KCNMA1: variants seen among roughly 807,000 people sequenced by gnomAD.
KCNMA1 encodes potassium calcium-activated channel subfamily M alpha 1.
A neutral mutation model predicts 140.0 loss-of-function variants in KCNMA1; 29 were observed. That is an observed-to-expected ratio of 0.21 (90% CI 0.15 to 0.28). The LOEUF is 0.28. Among genes scored for constraint, KCNMA1 ranks in the 10% least tolerant of loss-of-function variants. The probability of loss-of-function intolerance (pLI) is 1.00; values close to 1 mark genes in which losing one functional copy is unlikely to be tolerated. For missense variants in KCNMA1, 880 were observed against 1,602.2 expected (o/e 0.55, Z 7.70); for synonymous variants, 612 against 611.9 (o/e 1.00, Z 0.00).
intron 2 of KCNMA1, chr10:77,350,454 T>C (rs373760973): frequency 6.6e-6 from 1 of 152,124 alleles, no homozygotes; most frequent in African/African-American, 2.4e-5. Flanking sequence ...CTGGAACAGT[T>C]GGAGTTCAGA....
chr10:77,179,880 G>A (rs1238121593), intron 5 of KCNMA1, among the ~76,000 whole-genome samples: 1 of 152,174 alleles, frequency 6.6e-6, no homozygotes, highest in Non-Finnish European at 1.5e-5. Flanking sequence ...CACACAGTAG[G>A]AGCTGACTAC....
chr10:77,019,297 T>A, intron 16 of KCNMA1, 198 bp from the exon 17 acceptor site: 1 of 581,196 alleles, frequency 1.7e-6, no homozygotes, highest in South Asian at 2.0e-5. Flanking sequence ...GCACTACTGC[T>A]TACTTCCCAG....
At position 76,968,398 on chromosome 10, in the gene KCNMA1, C is replaced by A. The variant is rs974204707; in HGVS notation, c.2360+1576G>T. 3.3e-5 allele frequency among the ~76,000 whole-genome samples: 5 copies of A among 152,136 alleles called. No homozygotes were observed. In the South Asian group the frequency reaches 6.2e-4, roughly 19 times the overall value. On this transcript the variant is annotated intron_variant, in intron 20 of 27. Transcript: ENST00000286628. Reference sequence around the variant, plus strand: ...ATAACTCCTCAGAATTATTATTACTCAAGATCAAAGAAATGAGCCATACTT... The same window carrying A: ...ATAACTCCTCAGAATTATTATTACTAAAGATCAAAGAAATGAGCCATACTT...
chr10:77,445,359 T>C (rs113018342), intron 1 of KCNMA1, among the ~76,000 whole-genome samples: 9,416 of 130,992 alleles, frequency 0.072, 987 homozygotes, highest in African/African-American at 0.26. Flanking sequence ...CACACGCACA[T>C]ACACAGACAC....
chr10:77,180,415 T>C (rs2098793863), intron 5 of KCNMA1, among the ~76,000 whole-genome samples: 1 of 152,172 alleles, frequency 6.6e-6, no homozygotes, highest in African/African-American at 2.4e-5. Context: ...GGGAGATCAG[T>C]TTTAGATTTC....
intron 3 of KCNMA1, among the ~76,000 whole-genome samples, chr10:77,201,216 C>T (rs751730863): frequency 1.1e-4 from 17 of 152,172 alleles, no homozygotes; most frequent in Admixed American, 4.6e-4. Flanking sequence ...CAATTTTAAC[C>T]GTGGTGGGAG....
chr10:76,898,009 A>C (rs1487919984), intron 25 of KCNMA1, among the ~76,000 whole-genome samples: 1 of 151,896 alleles, frequency 6.6e-6, no homozygotes, highest in Non-Finnish European at 1.5e-5. Flanking sequence ...ATAAGCATAC[A>C]AAATATAGTC....
intron 23 of KCNMA1, among the ~76,000 whole-genome samples, chr10:76,928,768 G>A (rs549678106): frequency 3.9e-5 from 6 of 152,068 alleles, no homozygotes; most frequent in African/African-American, 7.2e-5. Context: ...CGATCAACGC[G>A]CCATCCCTCG....
At chr10:77,472,354 A>T (rs1328439973) in intron 1 of KCNMA1, among the ~76,000 whole-genome samples, 1 of 150,790 alleles carries the variant, frequency 6.6e-6, no homozygotes. Flanking sequence ...ACACATACAC[A>T]CACCACACAC....
intron 1 of KCNMA1, among the ~76,000 whole-genome samples, chr10:77,623,608 C>T (rs1472196962): frequency 6.6e-6 from 1 of 151,208 alleles, no homozygotes; most frequent in African/African-American, 2.4e-5. Flanking sequence ...GAGGCTGAGG[C>T]AGGAGAATTG....
At chr10:77,193,673 A>G (rs2039422581) in intron 3 of KCNMA1, among the ~76,000 whole-genome samples, 1 of 152,202 alleles carries the variant, frequency 6.6e-6, no homozygotes, top group African/African-American at 2.4e-5. Flanking sequence ...GTACACACAA[A>G]CATCCCCAGC....
At chr10:77,143,673 C>T (rs76874272) in intron 5 of KCNMA1, among the ~76,000 whole-genome samples, 319 of 152,088 alleles carry the variant, frequency 2.1e-3, no homozygotes, top group African/African-American at 6.7e-3. Context: ...TGAGGACACT[C>T]GGATAAGCAA....
intron 3 of KCNMA1, among the ~76,000 whole-genome samples, chr10:77,198,703 C>T (rs1463317707): frequency 1.3e-5 from 2 of 151,684 alleles, no homozygotes; most frequent in Non-Finnish European, 2.9e-5. Context: ...AAACTAGTTT[C>T]CTGTAAACTC....
chr10:76,921,532 T>C (rs1032455864), intron 23 of KCNMA1, among the ~76,000 whole-genome samples: 6 of 152,226 alleles, frequency 3.9e-5, no homozygotes, highest in Non-Finnish European at 7.3e-5. Flanking sequence ...GGGAAAATTA[T>C]GCAGATTAGA....
intron 1 of KCNMA1, among the ~76,000 whole-genome samples, chr10:77,442,367 C>G (rs1400495597): frequency 6.6e-6 from 1 of 152,030 alleles, no homozygotes; most frequent in Non-Finnish European, 1.5e-5. Context: ...GCCACCTCCC[C>G]ATCTAGGATG....
intron 20 of KCNMA1, among the ~76,000 whole-genome samples, chr10:76,960,894 A>G (rs1414812801): frequency 1.3e-5 from 2 of 151,970 alleles, no homozygotes; most frequent in Non-Finnish European, 2.9e-5. Flanking sequence ...TCAGAGAAAA[A>G]GATTTCTTTC....
At position 77,286,265 on chromosome 10, in the gene KCNMA1, C is replaced by T. The variant is rs367763278; in HGVS notation, c.541-35009G>A. On this transcript the variant is annotated intron_variant, in intron 2 of 27. Coordinates refer to ENST00000286628, the MANE Select transcript of KCNMA1 (RefSeq NM_001161352.2). ...AAAAAGAAAACCCAGATCATTTAAA[C>T]GCCACCTCGATCTTGTCACCCCAAC... 2.6e-4 allele frequency among the ~76,000 whole-genome samples: 39 copies of T among 152,262 alleles called. No homozygotes were observed. In the East Asian group the frequency reaches 3.1e-3, roughly 12 times the overall value.
At chr10:76,932,679 G>T (rs2059575034) in intron 23 of KCNMA1, among the ~76,000 whole-genome samples, 1 of 152,132 alleles carries the variant, frequency 6.6e-6, no homozygotes, top group South Asian at 2.1e-4. Flanking sequence ...TGCTCATGAT[G>T]GACAGAACCA....
At chr10:77,425,976 AAC>A (rs2096979174) in intron 1 of KCNMA1, among the ~76,000 whole-genome samples, 4 of 152,172 alleles carry the variant, frequency 2.6e-5, no homozygotes, top group Admixed American at 2.6e-4. Context: ...ACCCCAGTAC[AAC>A]ACAGATGGCA....
Sources: gnomAD v4.1 joint callset for allele counts (sites outside exome capture counted in the v4.1 genomes callset) on GRCh38, gnomAD v4.1.1 for gene constraint, MANE v1.5 for transcripts, NCBI Gene and HGNC (gene_info 2026-07-23, HGNC 2026-07-21) for gene names.